Variants in MORC1 observed in about 807,000 individuals in gnomAD.
MORC1 encodes MORC family CW-type zinc finger protein 1.
MORC1 carries 59 observed loss-of-function variants against 134.9 expected under a neutral mutation model. The observed-to-expected ratio is 0.44, with a 90% CI of 0.35 to 0.54. The LOEUF (loss-of-function observed/expected upper bound fraction) is 0.54, where lower values mean the gene tolerates loss of function less well. MORC1 is among the 20% of genes least tolerant of loss of function. The pLI, the probability that MORC1 is intolerant of heterozygous loss-of-function variation, is 0.00. For missense variants in MORC1, 947 were observed against 1,134.5 expected (o/e 0.83, Z 2.37); for synonymous variants, 395 against 391.7 (o/e 1.01, Z -0.10).
At chr3:108,987,589 A>G (rs528655560) in intron 21 of MORC1, among the ~76,000 whole-genome samples, 25 of 151,716 alleles carry the variant, frequency 1.6e-4, no homozygotes, top group Non-Finnish European at 3.2e-4. Flanking sequence ...CTGGAGAGAG[A>G]GGATGGATAT....
At chr3:109,091,747 T>G (rs1950734626) in intron 8 of MORC1, among the ~76,000 whole-genome samples, 1 of 152,166 alleles carries the variant, frequency 6.6e-6, no homozygotes, top group South Asian at 2.1e-4. Context: ...AGCCCTGTCT[T>G]TAAAGGCTTT....
At chr3:109,117,726 A>C (rs1951302258) in intron 1 of MORC1, among the ~76,000 whole-genome samples, 1 of 152,244 alleles carries the variant, frequency 6.6e-6, no homozygotes, top group Non-Finnish European at 1.5e-5. Context: ...AGTTCTGCTG[A>C]CCAACAATTA....
chr3:108,984,725 C>G lies in MORC1; in HGVS notation c.2315G>C (p.Ser772Thr), dbSNP rs1231763003. Residue 772 changes from serine (S) to threonine (T), a missense_variant, in exon 23 of 28, where the codon AGC becomes ACC. Transcript: ENST00000232603. Reference sequence around the variant, plus strand: ...ACTGTAGTACACTCACCTTTTCCAGCTAGGTAATGAAGAGCTTCTTTTCAT... The same window carrying G: ...ACTGTAGTACACTCACCTTTTCCAGGTAGGTAATGAAGAGCTTCTTTTCAT... ...LAMKRSSSLP[S>T]WKSLLNVPME... 29 of 1,605,810 alleles carry G rather than the reference C, an allele frequency of 1.8e-5. No homozygotes were observed. Among genetic ancestry groups the G allele is most frequent in the Non-Finnish European group, 2.4e-5 (28 of 1,176,874 alleles).
At chr3:109,044,402 C>G (rs185150550) in intron 14 of MORC1, among the ~76,000 whole-genome samples, 18 of 151,564 alleles carry the variant, frequency 1.2e-4, no homozygotes, top group Admixed American at 8.5e-4. Flanking sequence ...ACTAAAAATA[C>G]AAAAAATTAG....
chr3:109,007,476 A>C (rs1377700626), intron 17 of MORC1, among the ~76,000 whole-genome samples: 1 of 152,174 alleles, frequency 6.6e-6, no homozygotes, highest in African/African-American at 2.4e-5. Context: ...TATCTAGTTC[A>C]GAGCTCTAGG....
At chr3:108,996,275 T>TGCGCGC (rs1553745284) in intron 21 of MORC1, among the ~76,000 whole-genome samples, 3 of 121,798 alleles carry the variant, frequency 2.5e-5, no homozygotes, top group African/African-American at 8.4e-5. Context: ...TGCGCGTGCG[T>TGCGCGC]GCGCGCGCGC....
chr3:109,072,860 C>T (rs190756833), intron 8 of MORC1, among the ~76,000 whole-genome samples: 3 of 152,156 alleles, frequency 2.0e-5, no homozygotes, highest in Non-Finnish European at 2.9e-5. Flanking sequence ...ATATCTCTAT[C>T]TTTCTCTCTC....
chr3:109,057,212 A>G (rs557436959), intron 13 of MORC1, 131 bp downstream of exon 13: 2 of 911,042 alleles, frequency 2.2e-6, no homozygotes, highest in Non-Finnish European at 3.1e-6. Context: ...CCTGCACTTC[A>G]ACAGGAAGGG....
chr3:109,074,489 G>A lies in MORC1; in HGVS notation c.690-4732C>T, dbSNP rs562182205. 2.6e-5 allele frequency among the ~76,000 whole-genome samples: 4 copies of A among 152,286 alleles called. No homozygotes were observed. The South Asian group carries it at 8.3e-4, about 32-fold the overall frequency. On this transcript the variant is annotated intron_variant, in intron 8 of 27. Transcript: ENST00000232603. Reference sequence around the variant, plus strand: ...GAAAGATGATATAAGGGGTGATCTGGCCTTCACAGTTTGGAACTTGAAAGA... The same window carrying A: ...GAAAGATGATATAAGGGGTGATCTGACCTTCACAGTTTGGAACTTGAAAGA...
Position 108,971,353 on chromosome 3 carries a change from C to T in MORC1, c.2527G>A (p.Glu843Lys). The T allele has an allele frequency of 1.9e-6, 3 of 1,613,576 alleles. No individual in the cohort carries two copies. The highest frequency in any genetic ancestry group is 1.7e-6 in the Non-Finnish European group (2 of 1,179,672). The stretch of plus-strand genomic sequence containing the variant: ...ACCTCACAACTTAATGCAGGTTCTT[C>T]CAATTCTGATGGTAGCTGATGCTCA... ...FPEHQLPSEL[E>K]EPALSCELEQ... Residue 843 changes from glutamate (E) to lysine (K), a missense_variant, in exon 25 of 28, where the codon GAA (glutamate) becomes AAA (lysine). Transcript: ENST00000232603.
intron 4 of MORC1, among the ~76,000 whole-genome samples, chr3:109,102,970 A>T (rs559846188): frequency 5.3e-5 from 8 of 152,184 alleles, no homozygotes; most frequent in Non-Finnish European, 1.2e-4. Flanking sequence ...TAAACTTGCT[A>T]ATACTCTTCA....
Position 108,958,879 on chromosome 3 carries a change from A to C in MORC1, c.*86T>G. The C allele has an allele frequency of 1.1e-6, 1 of 870,346 alleles. No individual in the cohort carries two copies. Among genetic ancestry groups the C allele is most frequent in the South Asian group, 2.3e-5 (1 of 43,650 alleles). The allele number at this position is 870,346 out of a possible 1,614,324, so 53.9% of individuals were successfully genotyped here. A position where few individuals can be genotyped will look rare whatever the true frequency, so the allele number is the denominator to read the frequency against. On this transcript the variant is annotated 3_prime_UTR_variant, in exon 28 of 28. Transcript: ENST00000232603. Reference sequence around the variant, plus strand: ...TATTGTTAAACAGAATAGACTTTACAGTAACAACAACAAAAAAGAAAAATT... The same window carrying C: ...TATTGTTAAACAGAATAGACTTTACCGTAACAACAACAAAAAAGAAAAATT...
chr3:109,085,545 A>AGGAGGCAGAGGTTGCAGTGAGCC (rs1288099998), intron 8 of MORC1, among the ~76,000 whole-genome samples: 1 of 151,654 alleles, frequency 6.6e-6, no homozygotes, highest in African/African-American at 2.4e-5. Flanking sequence ...AATGTAAACC[A>AGGAGGCAGAGGTTGCAGTGAGCC]AAACCACAAT....
At chr3:109,015,584 CCTCTGAAATGCTTTT>C in intron 17 of MORC1, among the ~76,000 whole-genome samples, 2 of 152,280 alleles carry the variant, frequency 1.3e-5, no homozygotes, top group East Asian at 3.9e-4. Flanking sequence ...AACTTATCTA[CCTCTGAAATGCTTTT>C]CTCTTCTTTA....
At position 109,051,587 on chromosome 3, in the gene MORC1, T is replaced by C. The variant is rs577326434; in HGVS notation, c.1330+3141A>G. ...TGCTATCCTTCCTCTACTCTCTACC[T>C]TCCTTCTAGAGGAACATCTTTTGTG... On this transcript the variant is annotated intron_variant, in intron 14 of 27. Coordinates refer to ENST00000232603, the MANE Select transcript of MORC1 (RefSeq NM_014429.4). 7.6e-4 allele frequency among the ~76,000 whole-genome samples: 116 copies of C among 152,278 alleles called. 2 individuals carry two copies. The highest frequency in any genetic ancestry group is 2.7e-3 in the African/African-American group (113 of 41,566).
At chr3:109,021,718 G>C (rs1434243323) in intron 17 of MORC1, among the ~76,000 whole-genome samples, 2 of 152,042 alleles carry the variant, frequency 1.3e-5, no homozygotes, top group African/African-American at 4.8e-5. Flanking sequence ...GTGCTGTCCG[G>C]GTCTGTTTAG....
intron 8 of MORC1, among the ~76,000 whole-genome samples, chr3:109,082,382 T>C (rs1043018083): frequency 6.6e-6 from 1 of 151,796 alleles, no homozygotes; most frequent in Non-Finnish European, 1.5e-5. Context: ...AAGACATAGA[T>C]GTACATCCAC....
chr3:109,071,169 T>C (rs189859414), intron 8 of MORC1, among the ~76,000 whole-genome samples: 22 of 152,316 alleles, frequency 1.4e-4, no homozygotes, highest in Admixed American at 7.8e-4. Context: ...CTGGATCTCC[T>C]GATGTTAAAT....
At chr3:109,028,005 C>T in intron 16 of MORC1, 116 bp from the exon 17 acceptor site, 1 of 1,130,172 alleles carries the variant, frequency 8.8e-7, no homozygotes, top group Non-Finnish European at 1.2e-6. Context: ...ATCCAAAATT[C>T]AAATAGGAAG....
Sources: allele counts gnomAD v4.1 joint callset (sites outside exome capture counted in the v4.1 genomes callset), GRCh38; gene constraint gnomAD v4.1.1; transcripts MANE v1.5; gene names NCBI Gene and HGNC (gene_info 2026-07-23, HGNC 2026-07-21).